Variants in PITPNM3 observed in about 807,000 individuals in gnomAD.
The protein encoded by PITPNM3 is membrane-associated phosphatidylinositol transfer protein 3.
Under a neutral mutation model 102.0 loss-of-function variants are expected in PITPNM3, and 26 were observed. The ratio of observed to expected loss-of-function variants is 0.25; its 90% CI spans 0.19 to 0.35. PITPNM3 has a LOEUF of 0.35. PITPNM3 is among the 10% of genes least tolerant of loss of function. The pLI is 1.00. For missense variants in PITPNM3, 1,083 were observed against 1,346.1 expected (o/e 0.80, Z 3.06); for synonymous variants, 578 against 558.6 (o/e 1.03, Z -0.49).
Position 6,468,245 on chromosome 17 carries a change from G to T in PITPNM3, c.1870C>A (p.Arg624=), listed in dbSNP as rs1458059596. The change falls in exon 14 of 20, where the codon CGG becomes AGG. Residue 624 remains arginine, a synonymous_variant. Transcript: ENST00000262483. The surrounding 1 kb of genome is among the most constrained non-coding windows in gnomAD (Gnocchi z 5.2). ...CGCACCCTCAGCTTGACCTGAGTCC[G>T]CTTACGAAGCCACTTCTCCCGGGGG... is the stretch of plus-strand genomic sequence containing the variant. ...ANPREKWLRK[R]TQVKLRNVTA... The T allele has an allele frequency of 6.2e-7, 1 of 1,613,396 alleles. No individual in the cohort carries two copies. The highest frequency in any genetic ancestry group is 1.7e-5 in the Admixed American group (1 of 60,026).
rs1293438238 is a variant in PITPNM3, at chr17:6,451,935, G to A, written c.*3403C>T. The stretch of plus-strand genomic sequence containing the variant: ...AAGTTGGTTGTTTAAGGCGGGGTCA[G>A]GGCACCCCTCCCGGGGCTGCACCTG... On this transcript the variant is annotated 3_prime_UTR_variant, in exon 20 of 20. Transcript: ENST00000262483. 3 of 139,426 alleles carry A rather than the reference G, an allele frequency of 2.2e-5. No homozygotes were observed. Among genetic ancestry groups the A allele is most frequent in the African/African-American group, 8.0e-5 (3 of 37,646 alleles). 8.6% of individuals were successfully genotyped at this position (139,426 alleles called of 1,614,324 possible).
At chr17:6,541,390 G>T (rs1456420634) in intron 1 of PITPNM3, among the ~76,000 whole-genome samples, 2 of 151,876 alleles carry the variant, frequency 1.3e-5, no homozygotes, top group African/African-American at 4.8e-5. Flanking sequence ...CTTCCTGGAT[G>T]AAAGAACTGC....
At chr17:6,535,308 G>C (rs574433134) in intron 2 of PITPNM3, among the ~76,000 whole-genome samples, 1 of 152,118 alleles carries the variant, frequency 6.6e-6, no homozygotes, top group African/African-American at 2.4e-5. Context: ...CAGAGCACTG[G>C]CTGGGCTGGG....
rs971117938 is a variant in PITPNM3 at position 6,537,111 on chromosome 17, G to C, written c.118+876C>G. 6.6e-6 allele frequency among the ~76,000 whole-genome samples: 1 copy of C among 152,072 alleles called. No individual in the cohort carries two copies. The highest frequency in any genetic ancestry group is 2.4e-5 in the African/African-American group (1 of 41,410). ...TTCTTTCAATCCCAACGTCAACAAT[G>C]CTCCTTCCTATGTCTCATGGGTTGG... On this transcript the variant is annotated intron_variant, in intron 2 of 19. Transcript: ENST00000262483. The surrounding 1 kb of genome is among the most constrained non-coding windows in gnomAD (Gnocchi z 4.4).
Position 6,517,675 on chromosome 17 carries a change from T to A in PITPNM3, c.226+7681A>T, listed in dbSNP as rs1304572023. 1.3e-5 allele frequency among the ~76,000 whole-genome samples: 2 copies of A among 152,064 alleles called. No individual in the cohort carries two copies. Among genetic ancestry groups the A allele is most frequent in the Non-Finnish European group, 2.9e-5 (2 of 68,020 alleles). On this transcript the variant is annotated intron_variant, in intron 3 of 19. Coordinates refer to ENST00000262483, the MANE Select transcript of PITPNM3 (RefSeq NM_031220.4). The surrounding 1 kb of genome is among the most constrained non-coding windows in gnomAD (Gnocchi z 4.1). ...CCTGGGTTCAAGCAACCCTCTCACC[T>A]CAGCCTCCAGAATAACTGGGAACAC...
intron 3 of PITPNM3, among the ~76,000 whole-genome samples, chr17:6,505,193 A>ATATATATATAT (rs1198801942): frequency 1.1e-4 from 8 of 72,320 alleles, no homozygotes; most frequent in African/African-American, 3.1e-4. Context: ...GAAGACAAAT[A>ATATATATATAT]AAATATATAT....
Position 6,472,175 on chromosome 17 carries a change from C to T in PITPNM3, c.1429+482G>A, listed in dbSNP as rs573511672. The stretch of plus-strand genomic sequence containing the variant: ...GGCTCTTCGCCAAAACACCTGCCCT[C>T]GCTCCTGCTGTTCTCCCTGCCTGGA... On this transcript the variant is annotated intron_variant, in intron 11 of 19. Coordinates refer to ENST00000262483, the MANE Select transcript of PITPNM3 (RefSeq NM_031220.4). The surrounding 1 kb of genome is among the most constrained non-coding windows in gnomAD (Gnocchi z 4.1). Among the ~76,000 whole-genome samples, 8 of 152,292 alleles carry T rather than the reference C, an allele frequency of 5.3e-5. No individual in the cohort carries two copies. Among genetic ancestry groups the T allele is most frequent in the South Asian group, 2.1e-4 (1 of 4,826 alleles).
Position 6,455,144 on chromosome 17 carries a change from C to A in PITPNM3, c.*194G>T. 1 of 673,402 alleles carries A rather than the reference C, an allele frequency of 1.5e-6. No individual in the cohort carries two copies. Among genetic ancestry groups the A allele is most frequent in the Non-Finnish European group, 2.4e-6 (1 of 425,504 alleles). 41.7% of individuals were successfully genotyped at this position (673,402 alleles called of 1,614,324 possible). On this transcript the variant is annotated 3_prime_UTR_variant, in exon 20 of 20. Coordinates refer to ENST00000262483, the MANE Select transcript of PITPNM3 (RefSeq NM_031220.4). ...CAGTGGCTGCACCGAGATCCCCGGA[C>A]CTCACCCCGTCGCAGCTCAGGGAGC...
At position 6,457,889 on chromosome 17, in the gene PITPNM3, G is replaced by T. The variant is rs565531198; in HGVS notation, c.2491-167C>A. Among the ~76,000 whole-genome samples, 101 of 151,290 alleles carry T rather than the reference G, an allele frequency of 6.7e-4. No homozygotes were observed. The highest frequency in any genetic ancestry group is 1.9e-3 in the African/African-American group (80 of 41,182). The stretch of plus-strand genomic sequence containing the variant: ...TCAGGAATGAACCCTCAGAGTGGCT[G>T]CCCCTCCCTGCACCCCAGGCCCAAC... On this transcript the variant is annotated intron_variant, in intron 18 of 19. Transcript: ENST00000262483. This position sits in a 1 kb window ranked among gnomAD's most constrained non-coding sequence, Gnocchi z 4.7.
At chr17:6,511,328 C>T (rs1027003674) in intron 3 of PITPNM3, among the ~76,000 whole-genome samples, 2 of 152,174 alleles carry the variant, frequency 1.3e-5, no homozygotes, top group Admixed American at 6.5e-5. Flanking sequence ...ACTGACTACA[C>T]GATCTAGTCT....
At chr17:6,516,563 CAAA>C (rs34384161) in intron 3 of PITPNM3, among the ~76,000 whole-genome samples, 14 of 113,788 alleles carry the variant, frequency 1.2e-4, no homozygotes, top group African/African-American at 3.6e-4. Flanking sequence ...GACTCCGCCT[CAAA>C]AAAAAAAAAA....
At chr17:6,477,844 C>G in intron 8 of PITPNM3, 131 bp downstream of exon 8, 2 of 1,510,428 alleles carry the variant, frequency 1.3e-6, no homozygotes, top group African/African-American at 1.4e-5. Flanking sequence ...CTGCGCCCAG[C>G]TGGATTATGA....
chr17:6,481,527 A>T (rs916470318), intron 6 of PITPNM3: 6 of 152,192 alleles, frequency 3.9e-5, no homozygotes, highest in African/African-American at 1.4e-4. Flanking sequence ...AATTGAGACA[A>T]GGAGAAGTTA....
At chr17:6,553,077 A>T (rs112559778) in intron 1 of PITPNM3, among the ~76,000 whole-genome samples, 112 of 152,092 alleles carry the variant, frequency 7.4e-4, no homozygotes, top group African/African-American at 2.5e-3. Context: ...GCCCCTGGCC[A>T]CCTTTCTATA....
intron 6 of PITPNM3, chr17:6,480,010 G>A (rs552953366): frequency 6.6e-6 from 1 of 152,208 alleles, no homozygotes. Context: ...TTCCTGAGAC[G>A]GATGATGAAC....
chr17:6,499,868 T>C (rs923881882), intron 4 of PITPNM3, among the ~76,000 whole-genome samples: 2 of 152,084 alleles, frequency 1.3e-5, no homozygotes, highest in African/African-American at 4.8e-5. Flanking sequence ...GTAGCTGGGA[T>C]TACAGGCGCA....
In PITPNM3 at chr17:6,525,158, T is replaced by G. The variant is rs531406199; in HGVS notation, c.226+198A>C. Among the ~76,000 whole-genome samples the G allele has an allele frequency of 9.8e-4, 150 of 152,314 alleles. 1 individual carries two copies. The highest frequency in any genetic ancestry group is 3.7e-3 in the Admixed American group (56 of 15,304). On this transcript the variant is annotated intron_variant, in intron 3 of 19. Transcript: ENST00000262483. The stretch of plus-strand genomic sequence containing the variant: ...GCTCTGTTGAAGTAGGCTGGAGCTT[T>G]TATGCCACAGAAAACCCCACAGAAG...
rs112452883 is a variant in PITPNM3 at position 6,517,644 on chromosome 17, T to C, written c.226+7712A>G. 6.6e-6 allele frequency among the ~76,000 whole-genome samples: 1 copy of C among 152,090 alleles called. No individual in the cohort carries two copies. Among genetic ancestry groups the C allele is most frequent in the Non-Finnish European group, 1.5e-5 (1 of 67,994 alleles). On this transcript the variant is annotated intron_variant, in intron 3 of 19. Transcript: ENST00000262483. The surrounding 1 kb of genome is among the most constrained non-coding windows in gnomAD (Gnocchi z 4.1). ...GAGCAAGCATGGCTCACTGCAGCCT[T>C]AACCTCCTGGGTTCAAGCAACCCTC... is the stretch of plus-strand genomic sequence containing the variant.
At chr17:6,525,010 A>G (rs1908745465) in intron 3 of PITPNM3, among the ~76,000 whole-genome samples, 1 of 151,998 alleles carries the variant, frequency 6.6e-6, no homozygotes, top group African/African-American at 2.4e-5. Flanking sequence ...GGCTCCTCCA[A>G]CTGTCACCCT....
Sources: gnomAD v4.1 joint callset for allele counts (sites outside exome capture counted in the v4.1 genomes callset) on GRCh38, gnomAD v4.1.1 for gene constraint, Gnocchi (gnomAD v3.1) non-coding constraint, MANE v1.5 for transcripts, NCBI Gene and HGNC (gene_info 2026-07-23, HGNC 2026-07-21) for gene names.